PCDHA11: variants seen among roughly 807,000 people sequenced by gnomAD.
The protein encoded by PCDHA11 is protocadherin alpha-11.
A neutral mutation model predicts 70.3 loss-of-function variants in PCDHA11; 61 were observed. The observed-to-expected ratio is 0.87, with a 90% confidence interval of 0.71 to 1.07. PCDHA11 has a LOEUF of 1.07. Among genes scored for constraint, PCDHA11 ranks in the 50% least tolerant of loss-of-function variants. The pLI, the probability that PCDHA11 is intolerant of heterozygous loss-of-function variation, is 0.00. For missense variants in PCDHA11, 1,324 were observed against 1,237.5 expected (o/e 1.07, Z -1.05); for synonymous variants, 633 against 555.1 (o/e 1.14, Z -1.97).
rs782396000 is a variant in PCDHA11 at position 140,871,492 on chromosome 5, C to G, written c.2389C>G (p.Gln797Glu). ...RQEPGSNHPG[Q>E]PRQPNPDWRY... ...GGAGCCAGGGTCAAATCACCCCGGA[C>G]AGGTGAGTTTTCTACAGATTCCACC... Residue 797 changes from glutamine to glutamate, a missense_variant and splice_region_variant, in exon 1 of 4, where the codon CAG (glutamine) becomes GAG (glutamate). Physicochemically the swap from Gln to Glu is conservative, Grantham distance 29 (BLOSUM62 2). Transcript: ENST00000398640. 1 of 1,589,508 alleles carries G rather than the reference C, an allele frequency of 6.3e-7. No individual in the cohort carries two copies. The highest frequency in any genetic ancestry group is 1.8e-5 in the Admixed American group (1 of 55,902).
chr5:140,955,440 G>A (rs1332391978), intron 1 of PCDHA11, among the ~76,000 whole-genome samples: 3 of 152,022 alleles, frequency 2.0e-5, no homozygotes, highest in Admixed American at 2.0e-4. Context: ...TAGGTCTGAT[G>A]GTTTTATAAG....
chr5:140,883,339 C>T (rs142984869), intron 1 of PCDHA11: 2 of 1,614,172 alleles, frequency 1.2e-6, no homozygotes, highest in Admixed American at 3.3e-5. Flanking sequence ...CTTTGTCACT[C>T]CCCATCAGAG....
intron 1 of PCDHA11, chr5:140,927,356 G>C: frequency 6.2e-7 from 1 of 1,614,076 alleles, no homozygotes. Context: ...GACGAGGGAA[G>C]CAATGGGATA....
chr5:140,982,014 C>G lies in PCDHA11; in HGVS notation c.2451-461C>G, dbSNP rs546904836. Among the ~76,000 whole-genome samples the G allele has an allele frequency of 3.3e-5, 5 of 152,270 alleles. No individual in the cohort carries two copies. The South Asian group carries it at 1.0e-3, about 32-fold the overall frequency. ...ATAAGGTTAAGAATTAATTAGATAG[C>G]CAAATTGGAACAATACTCCAATTAT... is the stretch of plus-strand genomic sequence containing the variant. On this transcript the variant is annotated intron_variant, in intron 2 of 3. Coordinates refer to ENST00000398640, the MANE Select transcript of PCDHA11 (RefSeq NM_018902.5).
intron 1 of PCDHA11, among the ~76,000 whole-genome samples, chr5:140,903,300 T>C (rs1368072567): frequency 6.6e-6 from 1 of 152,184 alleles, no homozygotes; most frequent in Non-Finnish European, 1.5e-5. Context: ...GGAAATTTAG[T>C]ATACAATAAA....
At chr5:140,989,555 T>G (rs923190578) in intron 3 of PCDHA11, among the ~76,000 whole-genome samples, 1 of 152,204 alleles carries the variant, frequency 6.6e-6, no homozygotes, top group African/African-American at 2.4e-5. Flanking sequence ...CCTTTACGTT[T>G]TGTGGCTCCG....
chr5:140,928,860 G>T, intron 1 of PCDHA11: 8 of 1,614,154 alleles, frequency 5.0e-6, no homozygotes, highest in Non-Finnish European at 6.8e-6. Flanking sequence ...GTGTGCTGTT[G>T]AGCAACTCTG....
At chr5:140,884,119 C>T (rs782009154) in intron 1 of PCDHA11, 1 of 1,613,310 alleles carries the variant, frequency 6.2e-7, no homozygotes. Context: ...CGGCGGTCGG[C>T]GCGCGCATCC....
intron 3 of PCDHA11, among the ~76,000 whole-genome samples, chr5:141,007,932 A>T (rs150576416): frequency 3.9e-5 from 6 of 152,336 alleles, no homozygotes; most frequent in Non-Finnish European, 7.3e-5. Context: ...CTGGAATTCT[A>T]AGCCACCTTT....
intron 3 of PCDHA11, among the ~76,000 whole-genome samples, chr5:140,985,216 C>G (rs1009954667): frequency 1.3e-5 from 2 of 152,186 alleles, no homozygotes; most frequent in Non-Finnish European, 2.9e-5. Flanking sequence ...GGATTACAGG[C>G]GTGAGCCACC....
At chr5:140,975,847 C>T (rs895067113) in intron 1 of PCDHA11, among the ~76,000 whole-genome samples, 1 of 152,100 alleles carries the variant, frequency 6.6e-6, no homozygotes, top group East Asian at 1.9e-4. Flanking sequence ...TTCAGTAATA[C>T]TACATCACCC....
At chr5:140,982,447 C>G (rs782801484) in intron 2 of PCDHA11, 28 bp from the exon 3 acceptor site, 1 of 1,613,782 alleles carries the variant, frequency 6.2e-7, no homozygotes, top group South Asian at 1.1e-5. Flanking sequence ...ATGATCTAAC[C>G]GTTATCTGGG....
chr5:140,950,917 A>ACT (rs1554219681), intron 1 of PCDHA11, among the ~76,000 whole-genome samples: 4 of 151,642 alleles, frequency 2.6e-5, no homozygotes, highest in African/African-American at 9.7e-5. Context: ...ATTTTATTTC[A>ACT]GTTCTTTTTC....
chr5:140,970,881 C>T (rs1316692542), intron 1 of PCDHA11, among the ~76,000 whole-genome samples: 1 of 152,050 alleles, frequency 6.6e-6, no homozygotes, highest in Non-Finnish European at 1.5e-5. Flanking sequence ...GTAGATTTTT[C>T]TCATGGACAT....
chr5:140,916,469 T>C (rs1051023499), intron 1 of PCDHA11, among the ~76,000 whole-genome samples: 2 of 152,194 alleles, frequency 1.3e-5, no homozygotes, highest in African/African-American at 4.8e-5. Flanking sequence ...TGCTGGTTAT[T>C]TGGTGCCCAA....
chr5:140,893,107 G>A (rs1324641421), intron 1 of PCDHA11, among the ~76,000 whole-genome samples: 4 of 152,226 alleles, frequency 2.6e-5, no homozygotes, highest in East Asian at 1.9e-4. Flanking sequence ...ATAATATTCC[G>A]TTGTGCATAT....
intron 1 of PCDHA11, chr5:140,927,075 C>A (rs1304732952): frequency 1.9e-6 from 3 of 1,611,070 alleles, no homozygotes; most frequent in Non-Finnish European, 2.5e-6. Context: ...TTTCCAGCCA[C>A]CGCGAGCTCT....
At chr5:140,887,108 T>A (rs2061306818) in intron 1 of PCDHA11, among the ~76,000 whole-genome samples, 1 of 152,084 alleles carries the variant, frequency 6.6e-6, no homozygotes, top group Non-Finnish European at 1.5e-5. Context: ...TCTCTTTTTT[T>A]TTTTTTGAGA....
At chr5:140,888,198 G>A (rs1031899783) in intron 1 of PCDHA11, among the ~76,000 whole-genome samples, 2 of 152,044 alleles carry the variant, frequency 1.3e-5, no homozygotes, top group Admixed American at 6.6e-5. Flanking sequence ...TTACATTGTC[G>A]GATGCTGGAT....
Sources: allele counts gnomAD v4.1 joint callset (sites outside exome capture counted in the v4.1 genomes callset), GRCh38; gene constraint gnomAD v4.1.1; transcripts MANE v1.5; gene names NCBI Gene and HGNC (gene_info 2026-07-23, HGNC 2026-07-21).